The following DCAF8L2 variants were observed in gnomAD, a reference collection of about 807,000 sequenced individuals.
DCAF8L2 encodes DDB1 and CUL4 associated factor 8 like 2, also known as DDB1- and CUL4-associated factor 8-like protein 2.
For missense variants in DCAF8L2, 430 were observed against 490.7 expected (o/e 0.88, Z 1.17); for synonymous variants, 200 against 190.9 (o/e 1.05, Z -0.39).
chrX:27,592,151 G>A (rs1436459173), intron 1 of DCAF8L2, among the ~76,000 whole-genome samples: 1 of 112,232 alleles, frequency 8.9e-6, no homozygotes, highest in African/African-American at 3.2e-5. Flanking sequence ...CTGCTGCCTG[G>A]CCCCGTCCAG....
chrX:27,615,179 G>C (rs371066871), intron 1 of DCAF8L2, among the ~76,000 whole-genome samples: 15 of 111,610 alleles, frequency 1.3e-4, no homozygotes, highest in East Asian at 1.1e-3. Context: ...AGGAATTAAT[G>C]AATGCTGGAC....
the DCAF8L2 span, among the ~76,000 whole-genome samples, chrX:27,516,450 TCTCTCA>T: frequency 1.1e-4 from 7 of 61,849 alleles, no homozygotes; most frequent in Admixed American, 7.3e-4. Flanking sequence ...TTAGCATCTC[TCTCTCA>T]CACACACACA....
chrX:27,641,944 A>G (rs1398093515), intron 2 of DCAF8L2, among the ~76,000 whole-genome samples: 1 of 109,038 alleles, frequency 9.2e-6, no homozygotes, highest in African/African-American at 3.4e-5. Flanking sequence ...GCTGGAGTGC[A>G]GTAGGACAAT....
chrX:27,748,233 T>A lies in DCAF8L2; in HGVS notation c.1338T>A (p.Ile446=). 1 of 1,211,860 alleles carries A rather than the reference T, an allele frequency of 8.3e-7. No homozygotes were observed. The highest frequency in any genetic ancestry group is 1.1e-6 in the Non-Finnish European group (1 of 895,428). ...ELLASYNDDD[I]YLFNSSHSDG... is the part of the protein sequence containing the mutation. ...TAGCCAGCTACAATGATGACGATAT[T>A]TACCTCTTCAACTCCTCTCACAGTG... Residue 446 remains isoleucine (I), a synonymous_variant, in exon 5 of 5, where the codon ATT becomes ATA. Transcript: ENST00000451261.
At chrX:27,546,453 A>C in the DCAF8L2 span, among the ~76,000 whole-genome samples, 1 of 111,452 alleles carries the variant, frequency 9.0e-6, no homozygotes, top group Non-Finnish European at 1.9e-5. Flanking sequence ...TCTTCTTACA[A>C]CTTCACTAGG....
chrX:27,668,918 CAG>C (rs1366249687), intron 2 of DCAF8L2, among the ~76,000 whole-genome samples: 1 of 105,998 alleles, frequency 9.4e-6, no homozygotes, highest in Non-Finnish European at 1.9e-5. Context: ...CTGGTTGACA[CAG>C]AGTGAGACTC....
intron 1 of DCAF8L2, among the ~76,000 whole-genome samples, chrX:27,614,962 A>G (rs1236057046): frequency 3.6e-5 from 4 of 111,479 alleles, no homozygotes; most frequent in Admixed American, 1.9e-4. Context: ...ACAATGATAC[A>G]AAAGGCTGCT....
At chrX:27,718,471 CAACTT>C (rs2147293445) in intron 4 of DCAF8L2, among the ~76,000 whole-genome samples, 1 of 111,772 alleles carries the variant, frequency 8.9e-6, no homozygotes, top group East Asian at 2.8e-4. Context: ...TTTTATGTGT[CAACTT>C]GACTTGGCCA....
chrX:27,555,937 T>C, the DCAF8L2 span, among the ~76,000 whole-genome samples: 4 of 111,459 alleles, frequency 3.6e-5, no homozygotes, highest in African/African-American at 1.3e-4. Context: ...CCACTTTCTC[T>C]GAACACCCAT....
At chrX:27,722,477 A>T (rs192775115) in intron 4 of DCAF8L2, among the ~76,000 whole-genome samples, 1 of 111,837 alleles carries the variant, frequency 8.9e-6, no homozygotes, top group East Asian at 2.8e-4. Flanking sequence ...TTATTCTATA[A>T]TTAAGAATGT....
chrX:27,726,103 ACTGC>A (rs1207069779), intron 4 of DCAF8L2, among the ~76,000 whole-genome samples: 1 of 111,417 alleles, frequency 9.0e-6, no homozygotes, highest in African/African-American at 3.2e-5. Flanking sequence ...TAGACCAAAA[ACTGC>A]CACTTATTAT....
intron 1 of DCAF8L2, among the ~76,000 whole-genome samples, chrX:27,628,605 C>CTTT (rs35579870): frequency 4.4e-5 from 4 of 90,632 alleles, no homozygotes; most frequent in African/African-American, 1.2e-4. Context: ...TGGCTCTTGT[C>CTTT]TTTTTTTTTT....
intron 2 of DCAF8L2, among the ~76,000 whole-genome samples, chrX:27,637,271 T>C (rs1031237682): frequency 8.9e-6 from 1 of 112,287 alleles, no homozygotes; most frequent in East Asian, 2.8e-4. Context: ...CCACCAGTAC[T>C]CAGGGCTTCT....
At chrX:27,497,513 C>T in the DCAF8L2 span, among the ~76,000 whole-genome samples, 129 of 31,190 alleles carry the variant, frequency 4.1e-3, no homozygotes, top group South Asian at 0.019. Flanking sequence ...TCTTTCTTTC[C>T]TTCCTTCCTT....
At chrX:27,504,111 G>A in the DCAF8L2 span, among the ~76,000 whole-genome samples, 24,572 of 110,790 alleles carry the variant, frequency 0.22, 2,549 homozygotes, top group African/African-American at 0.39. Flanking sequence ...AAATTGCAAC[G>A]TGGAAACACA....
At chrX:27,655,517 A>G (rs1279445671) in intron 2 of DCAF8L2, among the ~76,000 whole-genome samples, 2 of 112,331 alleles carry the variant, frequency 1.8e-5, no homozygotes, top group African/African-American at 6.5e-5. Context: ...CCAACAGCTG[A>G]GCTGAAGGGC....
the DCAF8L2 span, among the ~76,000 whole-genome samples, chrX:27,567,771 A>T: frequency 1.4e-4 from 15 of 108,113 alleles, no homozygotes; most frequent in East Asian, 2.6e-3. Flanking sequence ...CAAAGAATAA[A>T]GAGTGTATTA....
intron 2 of DCAF8L2, among the ~76,000 whole-genome samples, chrX:27,674,853 A>G (rs147687085): frequency 0.016 from 1,812 of 111,801 alleles, 45 homozygotes; most frequent in African/African-American, 0.056. Flanking sequence ...CTCTCAATTC[A>G]GAATTGAGGC....
intron 3 of DCAF8L2, among the ~76,000 whole-genome samples, chrX:27,711,469 A>G (rs1205622926): frequency 1.9e-5 from 2 of 107,360 alleles, no homozygotes; most frequent in Admixed American, 1.0e-4. Context: ...AAGTGCTTAT[A>G]TGTGTATATA....
Sources: gnomAD v4.1 joint callset for allele counts (sites outside exome capture counted in the v4.1 genomes callset) on GRCh38, gnomAD v4.1.1 for gene constraint, MANE v1.5 for transcripts, NCBI Gene and HGNC (gene_info 2026-07-23, HGNC 2026-07-21) for gene names.